MCPH1: variants seen among roughly 807,000 people sequenced by gnomAD.
MCPH1 encodes microcephalin.
MCPH1 carries 104 observed loss-of-function variants against 84.5 expected under a neutral mutation model. That is an observed-to-expected ratio of 1.23 (90% CI 1.05 to 1.45). The LOEUF (loss-of-function observed/expected upper bound fraction) is 1.45, where lower values mean the gene tolerates loss of function less well. MCPH1 is among the 40% of genes most tolerant of loss of function. MCPH1 has a pLI of 0.00. For synonymous variants in MCPH1, 514 were observed against 366.8 expected, an observed-to-expected ratio of 1.40 and a Z score of -4.58; for missense variants, 1,498 against 1,005.7, an observed-to-expected ratio of 1.49 and a Z score of -6.62.
intron 12 of MCPH1, among the ~76,000 whole-genome samples, chr8:6,528,104 C>T (rs903189582): frequency 3.3e-5 from 5 of 152,068 alleles, no homozygotes; most frequent in South Asian, 2.1e-4. Context: ...ACCATGTTGG[C>T]CAGGCTGGTC....
chr8:6,437,525 G>A lies in MCPH1; in HGVS notation c.436+1363G>A, dbSNP rs569736344. Among the ~76,000 whole-genome samples, 3 of 152,226 alleles carry A rather than the reference G, an allele frequency of 2.0e-5. No homozygotes were observed. The South Asian group carries it at 6.2e-4, about 32-fold the overall frequency. On this transcript the variant is annotated intron_variant, in intron 5 of 13. Transcript: ENST00000344683. ...ATTACAGGCGTGAGCCACCGCGCCC[G>A]GCCAAGATTTATTTTAAATCTGTGA...
chr8:6,532,203 A>G (rs1304616639), intron 12 of MCPH1: 6 of 1,100,072 alleles, frequency 5.5e-6, no homozygotes, highest in South Asian at 4.4e-5. Flanking sequence ...TTTCTTATCA[A>G]TTCATTCCTT....
At position 6,416,849 on chromosome 8, in the gene MCPH1, C is replaced by G. The variant is rs879801293; in HGVS notation, c.233+1966C>G. On this transcript the variant is annotated intron_variant, in intron 3 of 13. Coordinates refer to ENST00000344683, the MANE Select transcript of MCPH1 (RefSeq NM_024596.5). ...TCTCTATTAAAAATACAAAAATTAGCCAGTCATGTTGGCGTGTGCCTATAG... is the reference window on the plus strand; with the variant it reads ...TCTCTATTAAAAATACAAAAATTAGGCAGTCATGTTGGCGTGTGCCTATAG... Among the ~76,000 whole-genome samples the G allele has an allele frequency of 5.3e-5, 8 of 151,956 alleles. 1 individual carries two copies. Among genetic ancestry groups the G allele is most frequent in the Admixed American group, 5.2e-4 (8 of 15,264 alleles).
chr8:6,427,815 C>T (rs1433751018), intron 3 of MCPH1, among the ~76,000 whole-genome samples: 9 of 145,308 alleles, frequency 6.2e-5, no homozygotes, highest in Middle Eastern at 7.2e-3. Flanking sequence ...TTTTTTGAAA[C>T]GGAGTGTCGC....
At chr8:6,428,095 T>C (rs1331532664) in intron 3 of MCPH1, among the ~76,000 whole-genome samples, 1 of 152,196 alleles carries the variant, frequency 6.6e-6, no homozygotes, top group Non-Finnish European at 1.5e-5. Flanking sequence ...ACTGTATTTT[T>C]TTTTTATTTG....
chr8:6,472,536 G>C (rs2129558712), intron 9 of MCPH1, among the ~76,000 whole-genome samples: 1 of 152,264 alleles, frequency 6.6e-6, no homozygotes, highest in African/African-American at 2.4e-5. Context: ...CCCGATCTTA[G>C]CTCACTGCAA....
Position 6,644,100 on chromosome 8 carries a change from A to G in MCPH1, c.*1051A>G, listed in dbSNP as rs1798097149. 1 of 152,166 alleles carries G rather than the reference A, an allele frequency of 6.6e-6. No individual in the cohort carries two copies. Among genetic ancestry groups the G allele is most frequent in the Non-Finnish European group, 1.5e-5 (1 of 68,100 alleles). 9.4% of individuals were successfully genotyped at this position (152,166 alleles called of 1,614,324 possible). A position where few individuals can be genotyped will look rare whatever the true frequency, so the allele number is the denominator to read the frequency against. ...ACCCATCTCTACTAAAAATACAAAA[A>G]TCAGCTGGGTGTGGTGGCACACACC... On this transcript the variant is annotated 3_prime_UTR_variant, in exon 14 of 14. Transcript: ENST00000344683.
At chr8:6,509,616 T>A (rs574513769) in intron 12 of MCPH1, among the ~76,000 whole-genome samples, 41 of 152,270 alleles carry the variant, frequency 2.7e-4, no homozygotes, top group African/African-American at 9.9e-4. Context: ...TTTTAGACAT[T>A]GAGAAAGGAA....
chr8:6,621,991 G>C, intron 13 of MCPH1: 1 of 434,270 alleles, frequency 2.3e-6, no homozygotes, highest in East Asian at 6.2e-5. Flanking sequence ...ACCCCTGTGG[G>C]CACAGACTCT....
intron 12 of MCPH1, among the ~76,000 whole-genome samples, chr8:6,566,508 G>C (rs1423763537): frequency 6.6e-6 from 1 of 152,164 alleles, no homozygotes; most frequent in East Asian, 1.9e-4. Context: ...CATGGAGAGT[G>C]CACACAGTAC....
chr8:6,449,603 A>C (rs950614312), intron 8 of MCPH1, among the ~76,000 whole-genome samples: 1 of 151,980 alleles, frequency 6.6e-6, no homozygotes, highest in African/African-American at 2.4e-5. Context: ...ACTGCACTCC[A>C]TCCTGGACAA....
chr8:6,424,905 A>G (rs1295699652), intron 3 of MCPH1, among the ~76,000 whole-genome samples: 3 of 152,232 alleles, frequency 2.0e-5, no homozygotes, highest in Admixed American at 1.3e-4. Context: ...AGGAGATGCC[A>G]TTCACTTTTT....
intron 13 of MCPH1, among the ~76,000 whole-genome samples, chr8:6,630,976 C>G (rs779544650): frequency 1.3e-5 from 2 of 152,098 alleles, no homozygotes; most frequent in East Asian, 3.9e-4. Context: ...ACACAGAAAC[C>G]GCTAAAATCA....
At position 6,643,207 on chromosome 8, in the gene MCPH1, G is replaced by T; in HGVS notation, c.*158G>T. 4.3e-6 allele frequency: 3 copies of T among 703,986 alleles called. No individual in the cohort carries two copies. Among genetic ancestry groups the T allele is most frequent in the Non-Finnish European group, 5.1e-6 (2 of 390,144 alleles). 43.6% of individuals were successfully genotyped at this position (703,986 alleles called of 1,614,324 possible). ...TGTTGTGGTTCTTAAGAACTCATAG[G>T]TGACTTTCTGATGACTGAATGTCTG... On this transcript the variant is annotated 3_prime_UTR_variant, in exon 14 of 14. Coordinates refer to ENST00000344683, the MANE Select transcript of MCPH1 (RefSeq NM_024596.5).
intron 12 of MCPH1, among the ~76,000 whole-genome samples, chr8:6,540,342 C>T (rs1286130299): frequency 1.3e-5 from 2 of 152,200 alleles, no homozygotes; most frequent in Non-Finnish European, 2.9e-5. Context: ...GGCTATTTCT[C>T]ATCAATAGCA....
chr8:6,552,776 G>T (rs143103551), intron 12 of MCPH1, among the ~76,000 whole-genome samples: 7 of 151,352 alleles, frequency 4.6e-5, no homozygotes, highest in South Asian at 2.1e-4. Context: ...GTTAATTAAG[G>T]CAAGAGATCA....
chr8:6,452,825 G>A (rs531698648), intron 8 of MCPH1, among the ~76,000 whole-genome samples: 15 of 152,354 alleles, frequency 9.8e-5, no homozygotes, highest in African/African-American at 3.4e-4. Flanking sequence ...GTGGTATTTT[G>A]TTATGGTAGC....
At chr8:6,426,015 ACTT>A (rs1388590518) in intron 3 of MCPH1, among the ~76,000 whole-genome samples, 1 of 152,118 alleles carries the variant, frequency 6.6e-6, no homozygotes, top group African/African-American at 2.4e-5. Context: ...GCTGCTAAAA[ACTT>A]CTCATGCTTA....
At chr8:6,626,774 C>T (rs779339027) in intron 13 of MCPH1, 49 of 985,058 alleles carry the variant, frequency 5.0e-5, no homozygotes, top group African/African-American at 1.4e-4. Flanking sequence ...AGCCCTGGCG[C>T]GGTCCTCAAG....
Sources: gnomAD v4.1 joint callset for allele counts (sites outside exome capture counted in the v4.1 genomes callset) on GRCh38, gnomAD v4.1.1 for gene constraint, MANE v1.5 for transcripts, NCBI Gene and HGNC (gene_info 2026-07-23, HGNC 2026-07-21) for gene names.